Variants in PCLO observed in about 807,000 individuals in gnomAD.
The protein encoded by PCLO is protein piccolo.
PCLO carries 82 observed loss-of-function variants against 427.5 expected under a neutral mutation model. The ratio of observed to expected loss-of-function variants is 0.19; its 90% CI spans 0.16 to 0.23. The LOEUF is 0.23. Ranked by LOEUF, PCLO falls within the 10% of genes least tolerant of loss-of-function variation. PCLO has a pLI of 1.00. For missense variants in PCLO, 6,239 were observed against 6,115.9 expected, an observed-to-expected ratio of 1.02 and a Z score of -0.67; for synonymous variants, 2,357 against 2,155.4, an observed-to-expected ratio of 1.09 and a Z score of -2.59.
At position 82,952,385 on chromosome 7, in the gene PCLO, A is replaced by C. The variant is rs1337386646; in HGVS notation, c.8568T>G (p.Ser2856=). 2.5e-5 allele frequency: 41 copies of C among 1,613,890 alleles called. No individual in the cohort carries two copies. Among genetic ancestry groups the C allele is most frequent in the Non-Finnish European group, 3.5e-5 (41 of 1,179,832 alleles). ...IAREEAPINL[S]LGTPAHAVTL... ...TCACTGCATGTGCTGGAGTACCTAG[A>C]GATAAGTTTATTGGTGCTTCTTCCC... The change falls in exon 5 of 25, where the codon TCT becomes TCG. Residue 2856 remains serine, a synonymous_variant. Coordinates refer to ENST00000333891, the MANE Select transcript of PCLO (RefSeq NM_033026.6).
At chr7:83,115,508 T>C (rs10954709) in intron 3 of PCLO, among the ~76,000 whole-genome samples, 47,260 of 151,924 alleles carry the variant, frequency 0.31, 8,306 homozygotes, top group East Asian at 0.63. Context: ...CTTATTATAG[T>C]ATTTTAAAGG....
At chr7:83,063,276 G>A (rs1027609169) in intron 3 of PCLO, among the ~76,000 whole-genome samples, 7 of 152,014 alleles carry the variant, frequency 4.6e-5, no homozygotes, top group Admixed American at 1.3e-4. Context: ...ACCTGGAATA[G>A]TGCCCATTAC....
intron 3 of PCLO, among the ~76,000 whole-genome samples, chr7:83,095,804 A>G (rs989389560): frequency 2.6e-5 from 4 of 152,154 alleles, no homozygotes; most frequent in Non-Finnish European, 5.9e-5. Flanking sequence ...ATATGATTTA[A>G]GTGCTTTAAA....
intron 8 of PCLO, among the ~76,000 whole-genome samples, chr7:82,905,097 A>G (rs1163183813): frequency 6.6e-6 from 1 of 152,054 alleles, no homozygotes; most frequent in Non-Finnish European, 1.5e-5. Context: ...GTAGGCACAA[A>G]GCCAAGGGGC....
intron 22 of PCLO, among the ~76,000 whole-genome samples, chr7:82,763,398 C>T (rs1199875467): frequency 1.3e-5 from 2 of 151,980 alleles, no homozygotes; most frequent in African/African-American, 2.4e-5. Context: ...CTCGCGGAAC[C>T]ACGGAGGTCT....
chr7:82,779,033 T>G (rs1583964881), intron 22 of PCLO, among the ~76,000 whole-genome samples: 1 of 152,270 alleles, frequency 6.6e-6, no homozygotes, highest in East Asian at 1.9e-4. Context: ...ATTAACTTCT[T>G]GTTAACATAT....
chr7:83,127,236 A>G (rs1281766409), intron 3 of PCLO, among the ~76,000 whole-genome samples: 2 of 152,102 alleles, frequency 1.3e-5, no homozygotes, highest in Non-Finnish European at 2.9e-5. Context: ...TGTTCACTTG[A>G]GAATGACTAA....
chr7:83,076,124 A>T (rs78689079), intron 3 of PCLO, among the ~76,000 whole-genome samples: 1 of 9,060 alleles, frequency 1.1e-4, no homozygotes, highest in African/African-American at 3.7e-3. Context: ...TCTTGGATTT[A>T]AAAAAAAAAA....
At chr7:83,086,388 C>T (rs1471594593) in intron 3 of PCLO, among the ~76,000 whole-genome samples, 2 of 152,020 alleles carry the variant, frequency 1.3e-5, no homozygotes, top group African/African-American at 4.8e-5. Context: ...GGATTACAGG[C>T]GTGAGCCACT....
intron 3 of PCLO, among the ~76,000 whole-genome samples, chr7:83,099,636 C>T (rs967968485): frequency 2.6e-5 from 4 of 152,008 alleles, no homozygotes; most frequent in African/African-American, 4.8e-5. Context: ...GGTGATCCAC[C>T]GGCCTCGGCC....
chr7:82,857,141 C>T (rs1202451061), intron 10 of PCLO, among the ~76,000 whole-genome samples: 1 of 152,108 alleles, frequency 6.6e-6, no homozygotes, highest in East Asian at 1.9e-4. Context: ...TACTCAGTCT[C>T]TGCTATTCTC....
chr7:83,124,423 T>A (rs1333526654), intron 3 of PCLO, among the ~76,000 whole-genome samples: 3 of 150,094 alleles, frequency 2.0e-5, no homozygotes, highest in East Asian at 2.0e-4. Context: ...CTGCTCAACA[T>A]CATTAGTTAT....
intron 7 of PCLO, among the ~76,000 whole-genome samples, chr7:82,911,356 C>G (rs1794315379): frequency 6.6e-6 from 1 of 151,890 alleles, no homozygotes; most frequent in African/African-American, 2.4e-5. Context: ...TCTCATCTTT[C>G]ATGGTAAAAT....
In PCLO at chr7:82,953,678, TG is replaced by T; in HGVS notation, c.7274del (p.Pro2425HisfsTer19). ...PPPPPPPPPP[P>X]PLPPPTSPKP... ...TAGGTGAAGTTGGTGGAGGAAGTGGTGGGGGAGGAGGGGGTGGTGGTGGAGG... is the reference window on the plus strand; with the variant it reads ...TAGGTGAAGTTGGTGGAGGAAGTGGTGGGGAGGAGGGGGTGGTGGTGGAGG... On this transcript the variant is annotated frameshift_variant, in exon 5 of 25. Transcript: ENST00000333891. LOFTEE classifies it high-confidence loss of function. 2 of 978,558 alleles carry T rather than the reference TG, an allele frequency of 2.0e-6. No individual in the cohort carries two copies. Among genetic ancestry groups the T allele is most frequent in the Non-Finnish European group, 2.7e-6 (2 of 748,926 alleles). The allele number at this position is 978,558 out of a possible 1,614,324, so 60.6% of individuals were successfully genotyped here. A position where few individuals can be genotyped will look rare whatever the true frequency, so the allele number is the denominator to read the frequency against.
At chr7:82,798,917 T>C (rs1278395758) in intron 22 of PCLO, among the ~76,000 whole-genome samples, 1 of 152,070 alleles carries the variant, frequency 6.6e-6, no homozygotes, top group African/African-American at 2.4e-5. Flanking sequence ...TAATCTAAGA[T>C]CAACTGTTGA....
chr7:82,808,890 AAC>A (rs1443324301), intron 20 of PCLO, among the ~76,000 whole-genome samples: 2 of 151,962 alleles, frequency 1.3e-5, no homozygotes, highest in African/African-American at 2.4e-5. Context: ...ATTAAATTAA[AAC>A]ACACAACAGA....
intron 9 of PCLO, among the ~76,000 whole-genome samples, chr7:82,890,166 C>T (rs150864441): frequency 2.4e-4 from 37 of 152,002 alleles, no homozygotes; most frequent in African/African-American, 8.9e-4. Context: ...TGGGCATTTG[C>T]CTTTGAGATC....
At chr7:83,143,985 A>G (rs931939423) in intron 2 of PCLO, among the ~76,000 whole-genome samples, 5 of 152,240 alleles carry the variant, frequency 3.3e-5, no homozygotes, top group Non-Finnish European at 7.3e-5. Context: ...ATAACAAAAG[A>G]TTATATTAGT....
At chr7:82,924,578 C>T (rs1041386047) in intron 6 of PCLO, among the ~76,000 whole-genome samples, 1 of 151,902 alleles carries the variant, frequency 6.6e-6, no homozygotes, top group African/African-American at 2.4e-5. Flanking sequence ...TAAGGAACTG[C>T]CAGTCTGACT....
Sources: gnomAD v4.1 joint callset for allele counts (sites outside exome capture counted in the v4.1 genomes callset) on GRCh38, gnomAD v4.1.1 for gene constraint, MANE v1.5 for transcripts, NCBI Gene and HGNC (gene_info 2026-07-23, HGNC 2026-07-21) for gene names.